The following DLG2 variants were observed in gnomAD, a reference collection of about 807,000 sequenced individuals.
DLG2 encodes the protein disks large homolog 2.
In DLG2, 45 loss-of-function variants were observed where a neutral mutation model predicts 132.5. That is an observed-to-expected ratio of 0.34 (90% CI 0.27 to 0.44). DLG2 has a LOEUF of 0.44. Ranked by LOEUF, DLG2 falls within the 20% of genes least tolerant of loss-of-function variation. The probability of loss-of-function intolerance (pLI) is 1.00; values close to 1 mark genes in which losing one functional copy is unlikely to be tolerated. For synonymous variants in DLG2, 424 were observed against 419.6 expected, an observed-to-expected ratio of 1.01 and a Z score of -0.13; for missense variants, 1,045 against 1,196.9, an observed-to-expected ratio of 0.87 and a Z score of 1.87.
chr11:84,217,102 T>A (rs556586423), intron 8 of DLG2, among the ~76,000 whole-genome samples: 68 of 152,228 alleles, frequency 4.5e-4, no homozygotes, highest in Non-Finnish European at 8.8e-4. Flanking sequence ...AATGAATATG[T>A]TCAAACTCTC....
intron 7 of DLG2, among the ~76,000 whole-genome samples, chr11:84,493,419 A>G (rs750854284): frequency 1.3e-5 from 2 of 152,042 alleles, no homozygotes; most frequent in Non-Finnish European, 2.9e-5. Flanking sequence ...CTAGTCACCC[A>G]TAAACTCTCT....
intron 8 of DLG2, among the ~76,000 whole-genome samples, chr11:84,228,758 C>T (rs892356879): frequency 6.6e-6 from 1 of 152,182 alleles, no homozygotes; most frequent in Admixed American, 6.5e-5. Flanking sequence ...CCTACTACTG[C>T]TTATGCTAAT....
At chr11:84,954,404 A>C (rs1205223357) in intron 6 of DLG2, among the ~76,000 whole-genome samples, 1 of 152,088 alleles carries the variant, frequency 6.6e-6, no homozygotes, top group Non-Finnish European at 1.5e-5. Flanking sequence ...AGAATCAAGG[A>C]AAGTAGTGAG....
intron 18 of DLG2, among the ~76,000 whole-genome samples, chr11:83,746,663 A>G (rs78694695): frequency 6.6e-6 from 1 of 152,146 alleles, no homozygotes; most frequent in East Asian, 1.9e-4. Flanking sequence ...CCAAAATGGC[A>G]CATGTATACA....
intron 6 of DLG2, among the ~76,000 whole-genome samples, chr11:84,912,129 C>T (rs959098824): frequency 6.6e-6 from 1 of 151,230 alleles, no homozygotes; most frequent in Non-Finnish European, 1.5e-5. Flanking sequence ...GTTAACATTT[C>T]CTTGGCTTTC....
intron 7 of DLG2, among the ~76,000 whole-genome samples, chr11:84,524,959 A>G (rs1241294765): frequency 6.6e-6 from 1 of 152,034 alleles, no homozygotes; most frequent in Non-Finnish European, 1.5e-5. Context: ...TATTTAAAAG[A>G]CATGACTCCC....
intron 8 of DLG2, among the ~76,000 whole-genome samples, chr11:84,245,849 CTTTA>C (rs2097295805): frequency 6.6e-6 from 1 of 152,052 alleles, no homozygotes; most frequent in African/African-American, 2.4e-5. Context: ...ATTCTCAGCC[CTTTA>C]TTTAAGGCCC....
chr11:85,360,590 A>C (rs1021972525), intron 3 of DLG2, among the ~76,000 whole-genome samples: 1 of 152,184 alleles, frequency 6.6e-6, no homozygotes, highest in Admixed American at 6.5e-5. Flanking sequence ...CTAACTGATT[A>C]GTTTGGTCTG....
chr11:85,402,347 G>A (rs1288352033), intron 3 of DLG2, among the ~76,000 whole-genome samples: 1 of 152,018 alleles, frequency 6.6e-6, no homozygotes, highest in African/African-American at 2.4e-5. Flanking sequence ...AACTCAAGAT[G>A]GTTTAAAAAC....
chr11:84,864,884 G>A (rs1171332119), intron 6 of DLG2, among the ~76,000 whole-genome samples: 2 of 152,156 alleles, frequency 1.3e-5, no homozygotes, highest in African/African-American at 4.8e-5. Context: ...TTTTTAGGTA[G>A]AAGAGATGGC....
intron 6 of DLG2, among the ~76,000 whole-genome samples, chr11:84,974,831 G>A (rs2054635409): frequency 6.6e-6 from 1 of 152,228 alleles, no homozygotes; most frequent in Admixed American, 6.5e-5. Flanking sequence ...GCATGCTAGA[G>A]TTTGAGAATC....
intron 3 of DLG2, among the ~76,000 whole-genome samples, chr11:85,311,981 C>T (rs1370996575): frequency 6.6e-6 from 1 of 151,928 alleles, no homozygotes; most frequent in Admixed American, 6.6e-5. Context: ...CTAAACATAC[C>T]ATTGTTTTTC....
At chr11:83,911,851 G>GTTTTTT (rs200119041) in intron 15 of DLG2, among the ~76,000 whole-genome samples, 3 of 150,776 alleles carry the variant, frequency 2.0e-5, no homozygotes, top group Non-Finnish European at 4.4e-5. Context: ...AAAGCAAAAG[G>GTTTTTT]TTTTTTTTTG....
chr11:85,600,522 A>G (rs184221041), intron 2 of DLG2, among the ~76,000 whole-genome samples: 3 of 152,354 alleles, frequency 2.0e-5, no homozygotes, highest in Admixed American at 6.5e-5. Flanking sequence ...CAACCAGTCT[A>G]CAAATAATAA....
intron 6 of DLG2, among the ~76,000 whole-genome samples, chr11:85,032,788 A>G (rs1471163862): frequency 3.3e-5 from 5 of 152,232 alleles, no homozygotes; most frequent in African/African-American, 1.2e-4. Flanking sequence ...TGTGCAACTT[A>G]CTAAGTGAAA....
intron 19 of DLG2, among the ~76,000 whole-genome samples, chr11:83,562,169 G>A (rs1336118335): frequency 6.6e-6 from 1 of 152,020 alleles, no homozygotes; most frequent in Non-Finnish European, 1.5e-5. Context: ...TTACATGCGT[G>A]AGCCACCGTG....
At chr11:84,795,231 C>T (rs549054739) in intron 6 of DLG2, among the ~76,000 whole-genome samples, 2 of 152,222 alleles carry the variant, frequency 1.3e-5, no homozygotes, top group East Asian at 1.9e-4. Flanking sequence ...CTGTGGGTCT[C>T]CTCTTTGCTT....
At chr11:84,324,908 GA>G (rs1468472528) in intron 7 of DLG2, among the ~76,000 whole-genome samples, 2 of 151,994 alleles carry the variant, frequency 1.3e-5, no homozygotes, top group African/African-American at 4.8e-5. Context: ...TTAAGTTCCA[GA>G]TTTTTTGTGT....
chr11:83,860,215 C>A (rs2061225736), intron 16 of DLG2, among the ~76,000 whole-genome samples: 1 of 152,150 alleles, frequency 6.6e-6, no homozygotes, highest in Non-Finnish European at 1.5e-5. Flanking sequence ...AGATTGCTAT[C>A]CTCCAGACCC....
Sources: gnomAD v4.1 joint callset for allele counts (sites outside exome capture counted in the v4.1 genomes callset) on GRCh38, gnomAD v4.1.1 for gene constraint, MANE v1.5 for transcripts, NCBI Gene and HGNC (gene_info 2026-07-23, HGNC 2026-07-21) for gene names.